Variants in SGCZ observed in about 807,000 individuals in gnomAD.
The protein encoded by SGCZ is zeta-sarcoglycan.
SGCZ carries 40 observed loss-of-function variants against 41.3 expected under a neutral mutation model. That is an observed-to-expected ratio of 0.97 (90% CI 0.75 to 1.26). SGCZ has a LOEUF of 1.26. Among genes scored for constraint, SGCZ ranks in the 50% most tolerant of loss-of-function variants. The probability of loss-of-function intolerance (pLI) is 0.00; values close to 1 mark genes in which losing one functional copy is unlikely to be tolerated. For missense variants in SGCZ, 552 were observed against 369.8 expected (o/e 1.49, Z -4.04); for synonymous variants, 206 against 137.5 (o/e 1.50, Z -3.49).
At chr8:14,760,082 G>A (rs1187332694) in intron 1 of SGCZ, among the ~76,000 whole-genome samples, 2 of 152,098 alleles carry the variant, frequency 1.3e-5, no homozygotes, top group African/African-American at 2.4e-5. Flanking sequence ...GCCCCATGAT[G>A]AGCACTGCTC....
intron 3 of SGCZ, among the ~76,000 whole-genome samples, chr8:14,323,055 A>G (rs1801981151): frequency 6.6e-6 from 1 of 152,144 alleles, no homozygotes; most frequent in South Asian, 2.1e-4. Context: ...AGGAGTACCA[A>G]AATAAAATTT....
intron 4 of SGCZ, among the ~76,000 whole-genome samples, chr8:14,189,019 C>CTT (rs60448346): frequency 0.15 from 21,498 of 142,380 alleles, 2,758 homozygotes; most frequent in African/African-American, 0.35. Flanking sequence ...CCACGCCCAG[C>CTT]TTTTTTTTTT....
intron 1 of SGCZ, among the ~76,000 whole-genome samples, chr8:15,177,691 TTTAAG>T (rs1204214576): frequency 6.6e-6 from 1 of 152,174 alleles, no homozygotes; most frequent in Non-Finnish European, 1.5e-5. Flanking sequence ...GTGATCTAAA[TTTAAG>T]TTAAGGTCTA....
chr8:15,076,352 C>A (rs1379992888), intron 1 of SGCZ, among the ~76,000 whole-genome samples: 3 of 151,906 alleles, frequency 2.0e-5, no homozygotes, highest in Non-Finnish European at 4.4e-5. Flanking sequence ...CGAGACAGAG[C>A]AAGGGGGTAG....
At chr8:14,192,673 T>C (rs572953070) in intron 4 of SGCZ, among the ~76,000 whole-genome samples, 27 of 151,814 alleles carry the variant, frequency 1.8e-4, no homozygotes, top group South Asian at 6.2e-4. Flanking sequence ...ATTGTTGTCA[T>C]TGAAGTAGTT....
chr8:14,960,233 A>G lies in SGCZ; in HGVS notation c.39+277352T>C, dbSNP rs568747109. 3.0e-4 allele frequency among the ~76,000 whole-genome samples: 45 copies of G among 152,300 alleles called. 1 individual carries two copies. Among genetic ancestry groups the G allele is most frequent in the South Asian group, 1.9e-3 (9 of 4,830 alleles). ...TTTTCTGTAAAAGGCACTACAGTGT[A>G]GACTGTATTTATTGTAACGCTTGGA... On this transcript the variant is annotated intron_variant, in intron 1 of 7. Coordinates refer to ENST00000382080, the MANE Select transcript of SGCZ (RefSeq NM_139167.4).
At chr8:14,745,468 A>G (rs2130296115) in intron 1 of SGCZ, among the ~76,000 whole-genome samples, 2 of 152,164 alleles carry the variant, frequency 1.3e-5, no homozygotes, top group South Asian at 4.1e-4. Flanking sequence ...CCTTAGTCCC[A>G]TCTACTCTGG....
chr8:14,986,897 T>G (rs549612600), intron 1 of SGCZ, among the ~76,000 whole-genome samples: 1 of 152,026 alleles, frequency 6.6e-6, no homozygotes, highest in Admixed American at 6.6e-5. Flanking sequence ...AAATACTCAG[T>G]AAGGATTAAA....
At chr8:14,231,231 C>CAGAG (rs763690394) in intron 4 of SGCZ, among the ~76,000 whole-genome samples, 6 of 80,048 alleles carry the variant, frequency 7.5e-5, no homozygotes, top group Admixed American at 1.2e-4. Flanking sequence ...GAGAGAGAGA[C>CAGAG]AGAGAGAGAG....
In SGCZ at chr8:15,213,620, T is replaced by C. The variant is rs546399122; in HGVS notation, c.39+23965A>G. On this transcript the variant is annotated intron_variant, in intron 1 of 7. Coordinates refer to ENST00000382080, the MANE Select transcript of SGCZ (RefSeq NM_139167.4). ...TAAGATATCTAAAGTGCCACATTCCTACATAGATTTATAAATTTAATGAAA... is the reference window on the plus strand; with the variant it reads ...TAAGATATCTAAAGTGCCACATTCCCACATAGATTTATAAATTTAATGAAA... 1.8e-4 allele frequency among the ~76,000 whole-genome samples: 27 copies of C among 151,868 alleles called. No homozygotes were observed. In the South Asian group the frequency reaches 5.6e-3, roughly 32 times the overall value.
chr8:14,475,968 T>A (rs1801347557), intron 2 of SGCZ, among the ~76,000 whole-genome samples: 1 of 151,896 alleles, frequency 6.6e-6, no homozygotes, highest in South Asian at 2.1e-4. Context: ...TGCGCCACCA[T>A]GCCTAGCTAT....
intron 2 of SGCZ, among the ~76,000 whole-genome samples, chr8:14,486,453 T>G (rs1801677731): frequency 6.6e-6 from 1 of 152,222 alleles, no homozygotes; most frequent in African/African-American, 2.4e-5. Flanking sequence ...TCTTGCTGGC[T>G]GTCTCCTAAG....
At chr8:14,192,969 CCA>C (rs1805151875) in intron 4 of SGCZ, among the ~76,000 whole-genome samples, 1 of 151,870 alleles carries the variant, frequency 6.6e-6, no homozygotes, top group Admixed American at 6.6e-5. Flanking sequence ...TTTAAAGTTG[CCA>C]CAGTTACATA....
At chr8:14,863,914 C>A (rs1363345493) in intron 1 of SGCZ, among the ~76,000 whole-genome samples, 1 of 152,102 alleles carries the variant, frequency 6.6e-6, no homozygotes, top group Non-Finnish European at 1.5e-5. Context: ...ATGTGTCTTG[C>A]ATGGAAGAAA....
At chr8:14,318,783 T>G (rs866004666) in intron 3 of SGCZ, among the ~76,000 whole-genome samples, 1 of 151,952 alleles carries the variant, frequency 6.6e-6, no homozygotes, top group Non-Finnish European at 1.5e-5. Flanking sequence ...AGCTAGACAG[T>G]AACTCATCAG....
At chr8:15,158,794 C>A (rs1799410601) in intron 1 of SGCZ, among the ~76,000 whole-genome samples, 1 of 152,022 alleles carries the variant, frequency 6.6e-6, no homozygotes, top group Non-Finnish European at 1.5e-5. Context: ...GATGAGGAGA[C>A]CCAGAGTGAC....
At chr8:14,111,179 G>A (rs1802360355) in intron 5 of SGCZ, among the ~76,000 whole-genome samples, 6 of 152,080 alleles carry the variant, frequency 3.9e-5, no homozygotes, top group Non-Finnish European at 1.5e-5. Flanking sequence ...ATATGACACT[G>A]AGCTCATTTG....
intron 2 of SGCZ, among the ~76,000 whole-genome samples, chr8:14,354,991 A>C (rs1803242943): frequency 6.6e-6 from 1 of 151,962 alleles, no homozygotes; most frequent in African/African-American, 2.4e-5. Flanking sequence ...TTTGCTGAAT[A>C]TTTTCAAAGA....
intron 1 of SGCZ, among the ~76,000 whole-genome samples, chr8:14,788,305 C>A (rs1800838059): frequency 6.6e-6 from 1 of 152,130 alleles, no homozygotes; most frequent in African/African-American, 2.4e-5. Flanking sequence ...GGAAAGGGCA[C>A]TGAACAATGT....
Sources: allele counts gnomAD v4.1 joint callset (sites outside exome capture counted in the v4.1 genomes callset), GRCh38; gene constraint gnomAD v4.1.1; transcripts MANE v1.5; gene names NCBI Gene and HGNC (gene_info 2026-07-23, HGNC 2026-07-21).